The following NDST1 variants were observed in gnomAD, a reference collection of about 807,000 sequenced individuals.
The protein encoded by NDST1 is bifunctional heparan sulfate N-deacetylase/N-sulfotransferase 1.
NDST1 carries 35 observed loss-of-function variants against 92.8 expected under a neutral mutation model. The observed-to-expected ratio is 0.38, with a 90% CI of 0.29 to 0.50. The LOEUF is 0.50. NDST1 is among the 20% of genes least tolerant of loss of function. The pLI is 0.94. For missense variants in NDST1, 822 were observed against 1,182.7 expected (o/e 0.69, Z 4.47); for synonymous variants, 493 against 500.3 (o/e 0.99, Z 0.19).
At position 150,555,639 on chromosome 5, in the gene NDST1, T is replaced by A. The variant is rs962451118; in HGVS notation, c.*2307T>A. 1 of 152,304 alleles carries A rather than the reference T, an allele frequency of 6.6e-6. No individual in the cohort carries two copies. The highest frequency in any genetic ancestry group is 1.5e-5 in the Non-Finnish European group (1 of 68,120). The allele number at this position is 152,304 out of a possible 1,614,324, so 9.4% of individuals were successfully genotyped here. On this transcript the variant is annotated 3_prime_UTR_variant, in exon 15 of 15. Coordinates refer to ENST00000261797, the MANE Select transcript of NDST1 (RefSeq NM_001543.5). ...AGGGGCAGTGACTTCCAGAGTCCCA[T>A]CCGTCAGTGAGGGGACTGGGCTGCG... is the stretch of plus-strand genomic sequence containing the variant.
In NDST1 at chr5:150,539,365, T is replaced by G; in HGVS notation, c.1566+9T>G. Reference sequence around the variant, plus strand: ...CCGTGCTCCTCAATCCTGTGAGTGCTCCACAGCCCATGGCTGCTGGTGAGA... The same window carrying G: ...CCGTGCTCCTCAATCCTGTGAGTGCGCCACAGCCCATGGCTGCTGGTGAGA... On this transcript the variant is annotated intron_variant, in intron 7 of 14. Coordinates refer to ENST00000261797, the MANE Select transcript of NDST1 (RefSeq NM_001543.5). 1 of 1,613,924 alleles carries G rather than the reference T, an allele frequency of 6.2e-7. No individual in the cohort carries two copies. Among genetic ancestry groups the G allele is most frequent in the Non-Finnish European group, 8.5e-7 (1 of 1,179,950 alleles).
chr5:150,510,133 C>A (rs1753654676), intron 1 of NDST1, among the ~76,000 whole-genome samples: 1 of 152,222 alleles, frequency 6.6e-6, no homozygotes, highest in Non-Finnish European at 1.5e-5. Flanking sequence ...TGCTTACCCT[C>A]TCTGAGCCTC....
chr5:150,507,153 G>C (rs1434439684), upstream of NDST1, among the ~76,000 whole-genome samples: 6 of 152,180 alleles, frequency 3.9e-5, no homozygotes, highest in Non-Finnish European at 8.8e-5. Flanking sequence ...CCTGGAAGGG[G>C]CTCCTAGGAT....
intron 11 of NDST1, 68 bp downstream of exon 11, chr5:150,545,554 C>T: frequency 6.3e-7 from 1 of 1,576,138 alleles, no homozygotes; most frequent in Non-Finnish European, 8.7e-7. Context: ...CAGTTACTCA[C>T]TCACTCAACA....
chr5:150,514,279 A>G (rs762704530), intron 1 of NDST1, among the ~76,000 whole-genome samples: 4 of 152,220 alleles, frequency 2.6e-5, no homozygotes, highest in Non-Finnish European at 5.9e-5. Context: ...ATGAGGTATA[A>G]AAAGTGCTGG....
In NDST1 at chr5:150,520,906, G is replaced by A; in HGVS notation, c.-349G>A. 1 of 492,516 alleles carries A rather than the reference G, an allele frequency of 2.0e-6. No homozygotes were observed. Among genetic ancestry groups the A allele is most frequent in the Non-Finnish European group, 3.6e-6 (1 of 281,034 alleles). 30.5% of individuals were successfully genotyped at this position (492,516 alleles called of 1,614,324 possible). ...GGCCCCACGGAGTGAGCGGCATGCA[G>A]CACCCCCGGGCCTGTCCAGTGTCCT... is the stretch of plus-strand genomic sequence containing the variant. On this transcript the variant is annotated 5_prime_UTR_variant, in exon 2 of 15. Transcript: ENST00000261797.
intron 7 of NDST1, 88 bp from the exon 8 acceptor site, chr5:150,539,994 A>G (rs1755172258): frequency 6.5e-7 from 1 of 1,527,740 alleles, no homozygotes; most frequent in East Asian, 2.3e-5. Flanking sequence ...CTTGCAAGCT[A>G]AGGCAGGGTC....
At position 150,541,651 on chromosome 5, in the gene NDST1, G is replaced by A. The variant is rs606231459; in HGVS notation, c.1831G>A (p.Gly611Ser). 1.1e-5 allele frequency: 18 copies of A among 1,613,932 alleles called. No individual in the cohort carries two copies. The highest frequency in any genetic ancestry group is 1.5e-5 in the Non-Finnish European group (18 of 1,180,028). ...CDRFPKLLII[G>S]PQKTGTTALY... ...CCGCTTCCCAAAGCTCCTCATCATC[G>A]GCCCCCAGAAAACAGGCAGGTCTCT... The change falls in exon 9 of 15, where the codon GGC becomes AGC. Residue 611 changes from glycine to serine, a missense_variant. Gly to Ser is a moderately conservative substitution (Grantham distance 56). Transcript: ENST00000261797.
At chr5:150,509,473 T>G (rs886738276) in intron 1 of NDST1, among the ~76,000 whole-genome samples, 2 of 152,186 alleles carry the variant, frequency 1.3e-5, no homozygotes, top group Admixed American at 6.5e-5. Context: ...CCCTCGCTCC[T>G]GCCTCTTCCT....
At chr5:150,520,175 C>T (rs1051375112) in intron 1 of NDST1, among the ~76,000 whole-genome samples, 2 of 152,188 alleles carry the variant, frequency 1.3e-5, no homozygotes, top group African/African-American at 4.8e-5. Context: ...ACTTAACGCT[C>T]AGCTACAGCC....
intron 4 of NDST1, among the ~76,000 whole-genome samples, chr5:150,534,062 G>A (rs1754869739): frequency 6.6e-6 from 1 of 151,022 alleles, no homozygotes; most frequent in African/African-American, 2.4e-5. Context: ...CTGCCTGGGT[G>A]ACAGAGTAAG....
At chr5:150,515,891 G>T (rs1581354964) in intron 1 of NDST1, among the ~76,000 whole-genome samples, 1 of 152,154 alleles carries the variant, frequency 6.6e-6, no homozygotes, top group Admixed American at 6.5e-5. Flanking sequence ...TTGCAGAGGG[G>T]CTGTGCTGGA....
At chr5:150,536,038 C>T (rs1372268962) in intron 6 of NDST1, among the ~76,000 whole-genome samples, 153 bp downstream of exon 6, 1 of 152,220 alleles carries the variant, frequency 6.6e-6, no homozygotes, top group Non-Finnish European at 1.5e-5. Flanking sequence ...CCGAGGCTCT[C>T]TGCCCCAGGG....
chr5:150,498,546 A>G (rs2151230691), intron 1 of NDST1, among the ~76,000 whole-genome samples: 1 of 151,908 alleles, frequency 6.6e-6, no homozygotes, highest in African/African-American at 2.4e-5. Context: ...GGTAGGGGAA[A>G]CCCTTTCTGC....
rs1755800737 is a variant in NDST1, at chr5:150,553,267, C to A, written c.2584C>A (p.Leu862Met). 6.2e-7 allele frequency: 1 copy of A among 1,613,832 alleles called. No individual in the cohort carries two copies. The highest frequency in any genetic ancestry group is 1.3e-5 in the African/African-American group (1 of 74,938). ...GGACCACAACATCGAGCTCTCCAAG[C>A]TGCTGTATAAGATGGGCCAGACACT... ...YRDHNIELSK[L>M]LYKMGQTLPT... is the part of the protein sequence containing the mutation. Residue 862 changes from leucine (L) to methionine (M), a missense_variant, in exon 15 of 15, where the codon CTG becomes ATG. Physicochemically the swap from Leu to Met is conservative, Grantham distance 15 (BLOSUM62 2). Coordinates refer to ENST00000261797, the MANE Select transcript of NDST1 (RefSeq NM_001543.5). This position sits in a 1 kb window ranked among gnomAD's most constrained non-coding sequence, Gnocchi z 4.2.
Position 150,534,934 on chromosome 5 carries a change from C to T in NDST1, c.1164C>T (p.Pro388=), listed in dbSNP as rs1377229868. The T allele has an allele frequency of 1.9e-6, 3 of 1,614,240 alleles. No homozygotes were observed. The highest frequency in any genetic ancestry group is 2.5e-6 in the Non-Finnish European group (3 of 1,180,046). The stretch of plus-strand genomic sequence containing the variant: ...ATGTGAAGGAGTTCTGGTGGTTCCC[C>T]CACATGTGGAGCCACATGCAGCCCC... ...LSYVKEFWWF[P]HMWSHMQPHL... is the part of the protein sequence containing the mutation. The change falls in exon 5 of 15, where the codon CCC becomes CCT. Residue 388 remains proline, a synonymous_variant. Coordinates refer to ENST00000261797, the MANE Select transcript of NDST1 (RefSeq NM_001543.5).
chr5:150,513,244 A>C (rs1753803776), intron 1 of NDST1, among the ~76,000 whole-genome samples: 1 of 152,096 alleles, frequency 6.6e-6, no homozygotes, highest in Non-Finnish European at 1.5e-5. Context: ...TAATCCCAGC[A>C]CTTTGGGAGG....
At chr5:150,507,270 T>A (rs1024960299), upstream of NDST1, among the ~76,000 whole-genome samples, 3 of 152,080 alleles carry the variant, frequency 2.0e-5, no homozygotes, top group African/African-American at 4.8e-5. Context: ...ACATACCTTT[T>A]TTTTTTTTTT....
chr5:150,536,812 A>C (rs1340619386), intron 6 of NDST1, among the ~76,000 whole-genome samples: 1 of 152,162 alleles, frequency 6.6e-6, no homozygotes, highest in African/African-American at 2.4e-5. Context: ...GGATCTGCCC[A>C]CCTTGGCCTC....
Sources: gnomAD v4.1 joint callset for allele counts (sites outside exome capture counted in the v4.1 genomes callset) on GRCh38, gnomAD v4.1.1 for gene constraint, Gnocchi (gnomAD v3.1) non-coding constraint, MANE v1.5 for transcripts, NCBI Gene and HGNC (gene_info 2026-07-23, HGNC 2026-07-21) for gene names.